COL26A1: variants seen among roughly 807,000 people sequenced by gnomAD.
COL26A1 encodes the protein collagen alpha-1(XXVI) chain.
In COL26A1, 41 loss-of-function variants were observed where a neutral mutation model predicts 59.3. The observed-to-expected ratio is 0.69, with a 90% CI of 0.54 to 0.90. The LOEUF (loss-of-function observed/expected upper bound fraction) is 0.90. Ranked by LOEUF, COL26A1 falls within the 40% of genes least tolerant of loss-of-function variation. The pLI is 0.00. For missense variants in COL26A1, 612 were observed against 602.3 expected (o/e 1.02, Z -0.17); for synonymous variants, 266 against 256.0 (o/e 1.04, Z -0.37).
intron 1 of COL26A1, among the ~76,000 whole-genome samples, chr7:101,415,770 C>G (rs1356508281): frequency 6.6e-6 from 1 of 152,064 alleles, no homozygotes; most frequent in African/African-American, 2.4e-5. Flanking sequence ...GCTGGGACCA[C>G]AGGCATGTGC....
intron 4 of COL26A1, among the ~76,000 whole-genome samples, chr7:101,538,250 C>G (rs1321819900): frequency 2.6e-5 from 4 of 152,198 alleles, no homozygotes; most frequent in African/African-American, 9.6e-5. Flanking sequence ...CGGAACCCTT[C>G]TCTCCTCCTG....
Position 101,463,869 on chromosome 7 carries a change from T to TTTTCTTTTC in COL26A1, c.385+16089_385+16090insTCTTTCTTT, listed in dbSNP as rs1554416085. Among the ~76,000 whole-genome samples, 3 of 91,692 alleles carry TTTTCTTTTC rather than the reference T, an allele frequency of 3.3e-5. No homozygotes were observed. In the East Asian group the frequency reaches 8.9e-4, roughly 27 times the overall value. The allele number at this position is 91,692 out of a possible 152,430, so 60.2% of individuals were successfully genotyped here. ...CCCTCCCTCTTTTTTCTCTTTTTTCTTTTCTTTCTTTCTTTCTTTCTTTCT... is the reference window on the plus strand; with the variant it reads ...CCCTCCCTCTTTTTTCTCTTTTTTCTTTTCTTTTCTTTCTTTCTTTCTTTCTTTCTTTCT... On this transcript the variant is annotated intron_variant, in intron 3 of 12. Transcript: ENST00000313669.
At chr7:101,497,707 G>A (rs745715353) in intron 3 of COL26A1, among the ~76,000 whole-genome samples, 4 of 152,060 alleles carry the variant, frequency 2.6e-5, no homozygotes, top group Non-Finnish European at 4.4e-5. Context: ...AAGGCCAGGC[G>A]CAGTGGCTCA....
At chr7:101,365,573 C>T (rs1791024511) in intron 1 of COL26A1, among the ~76,000 whole-genome samples, 1 of 151,948 alleles carries the variant, frequency 6.6e-6, no homozygotes. Context: ...ATTACAGGTG[C>T]CCACCACTGC....
At chr7:101,549,294 A>G (rs1299877488) in intron 9 of COL26A1, 71 bp downstream of exon 9, 7 of 1,009,906 alleles carry the variant, frequency 6.9e-6, no homozygotes, top group Non-Finnish European at 1.1e-5. Flanking sequence ...TCCCTAGGGG[A>G]GAAGAAGCAC....
chr7:101,400,907 G>A (rs1348360223), intron 1 of COL26A1, among the ~76,000 whole-genome samples: 1 of 152,140 alleles, frequency 6.6e-6, no homozygotes, highest in Non-Finnish European at 1.5e-5. Flanking sequence ...TACCACTGAT[G>A]TGGGCCCTGC....
At chr7:101,504,772 A>G (rs1014405671) in intron 3 of COL26A1, among the ~76,000 whole-genome samples, 1 of 152,170 alleles carries the variant, frequency 6.6e-6, no homozygotes, top group African/African-American at 2.4e-5. Flanking sequence ...CCGGCCATGA[A>G]AGGCCAGAGC....
At chr7:101,511,353 C>T (rs540293722) in intron 3 of COL26A1, among the ~76,000 whole-genome samples, 28 of 152,326 alleles carry the variant, frequency 1.8e-4, no homozygotes, top group African/African-American at 6.3e-4. Flanking sequence ...CCGCTGGACT[C>T]GGTTTCAGGG....
rs570320208 is a variant in COL26A1 at position 101,436,612 on chromosome 7, G to A, written c.282-11072G>A. Among the ~76,000 whole-genome samples the A allele has an allele frequency of 1.2e-4, 19 of 152,164 alleles. 1 individual carries two copies. In the South Asian group the frequency reaches 3.9e-3, roughly 32 times the overall value. On this transcript the variant is annotated intron_variant, in intron 2 of 12. Transcript: ENST00000313669. ...CGCACCCGAGGCAGGACTTCGTGAC[G>A]CTTTGGGCCACATCCACTTTGGAGA... is the stretch of plus-strand genomic sequence containing the variant.
chr7:101,473,291 T>C (rs1743430319), intron 3 of COL26A1, among the ~76,000 whole-genome samples: 1 of 151,574 alleles, frequency 6.6e-6, no homozygotes, highest in African/African-American at 2.4e-5. Context: ...ATTCACCGCA[T>C]GGTCTTGATC....
chr7:101,508,126 G>C (rs564422375), intron 3 of COL26A1, among the ~76,000 whole-genome samples: 16 of 152,274 alleles, frequency 1.1e-4, no homozygotes, highest in African/African-American at 3.9e-4. Flanking sequence ...CTCTTCCACT[G>C]ATCACAAGCT....
At chr7:101,451,989 G>T (rs1205650762) in intron 3 of COL26A1, among the ~76,000 whole-genome samples, 1 of 152,162 alleles carries the variant, frequency 6.6e-6, no homozygotes, top group Non-Finnish European at 1.5e-5. Flanking sequence ...TTGCAGGCGT[G>T]AGCCACCGCG....
At chr7:101,417,375 C>T (rs1792394291) in intron 1 of COL26A1, among the ~76,000 whole-genome samples, 1 of 139,150 alleles carries the variant, frequency 7.2e-6, no homozygotes. Flanking sequence ...AGGTCACAAG[C>T]TTTTTTTTTT....
At chr7:101,461,190 T>C (rs1309614603) in intron 3 of COL26A1, among the ~76,000 whole-genome samples, 1 of 152,116 alleles carries the variant, frequency 6.6e-6, no homozygotes, top group Admixed American at 6.6e-5. Context: ...AGGGTCTCTC[T>C]ATGTTGCCAA....
At chr7:101,382,537 C>T (rs1791472817) in intron 1 of COL26A1, among the ~76,000 whole-genome samples, 2 of 152,146 alleles carry the variant, frequency 1.3e-5, no homozygotes, top group Middle Eastern at 3.2e-3. Context: ...GGTCTGGTGC[C>T]AAAACCACAG....
chr7:101,383,010 C>A (rs1791483099), intron 1 of COL26A1, among the ~76,000 whole-genome samples: 1 of 152,102 alleles, frequency 6.6e-6, no homozygotes, highest in South Asian at 2.1e-4. Context: ...TCACTGCACT[C>A]CAGCCTGGGT....
chr7:101,542,751 C>T (rs1173528697), intron 5 of COL26A1, among the ~76,000 whole-genome samples: 1 of 151,996 alleles, frequency 6.6e-6, no homozygotes, highest in African/African-American at 2.4e-5. Flanking sequence ...GGAGGAGGGC[C>T]GAGCTCAGGT....
At chr7:101,367,276 TGTG>T (rs1037885504) in intron 1 of COL26A1, among the ~76,000 whole-genome samples, 3 of 152,126 alleles carry the variant, frequency 2.0e-5, no homozygotes, top group African/African-American at 7.2e-5. Flanking sequence ...TATCCTCCAA[TGTG>T]GTGGTATTTG....
At position 101,509,799 on chromosome 7, in the gene COL26A1, A is replaced by G. The variant is rs1794884242; in HGVS notation, c.386-23283A>G. Among the ~76,000 whole-genome samples the G allele has an allele frequency of 1.4e-5, 2 of 144,392 alleles. 1 individual carries two copies. Among genetic ancestry groups the G allele is most frequent in the Admixed American group, 1.4e-4 (2 of 14,528 alleles). The allele number at this position is 144,392 out of a possible 152,430, so 94.7% of individuals were successfully genotyped here. ...CTGGAGTGCAGTGGTGCGAGCTTGG[A>G]TCACTGCAACTCCTGCCTCCCAGGT... On this transcript the variant is annotated intron_variant, in intron 3 of 12. Transcript: ENST00000313669.
Sources: gnomAD v4.1 joint callset for allele counts (sites outside exome capture counted in the v4.1 genomes callset) on GRCh38, gnomAD v4.1.1 for gene constraint, MANE v1.5 for transcripts, NCBI Gene and HGNC (gene_info 2026-07-23, HGNC 2026-07-21) for gene names.